The following MRPS15 variants were observed in gnomAD, a reference collection of about 807,000 sequenced individuals.
MRPS15 encodes the protein mitochondrial ribosomal protein S15, also known as small ribosomal subunit protein uS15m.
In MRPS15, 25 loss-of-function variants were observed where a neutral mutation model predicts 30.7. The observed-to-expected ratio is 0.81, with a 90% CI of 0.59 to 1.14. MRPS15 has a LOEUF of 1.14. MRPS15 is among the 50% of genes most tolerant of loss of function. The probability of loss-of-function intolerance (pLI) is 0.00; values close to 1 mark genes in which losing one functional copy is unlikely to be tolerated. For missense variants in MRPS15, 313 were observed against 321.7 expected (o/e 0.97, Z 0.21); for synonymous variants, 124 against 120.1 (o/e 1.03, Z -0.21).
Position 36,463,800 on chromosome 1 carries a change from T to G in MRPS15, c.175+6A>C. 3 of 1,611,586 alleles carry G rather than the reference T, an allele frequency of 1.9e-6. No individual in the cohort carries two copies. Among genetic ancestry groups the G allele is most frequent in the South Asian group, 1.1e-5 (1 of 90,914 alleles). On this transcript the variant is annotated splice_donor_region_variant and intron_variant, in intron 2 of 7. Transcript: ENST00000373116. ...CCGCCCCAAGTCCCACCTTAGGAAC[T>G]CCTACCTGGTTTCCGGACGACATAT...
In MRPS15 at chr1:36,464,184, G is replaced by A. The variant is rs757077697; in HGVS notation, c.92C>T (p.Ala31Val). 3 of 1,613,856 alleles carry A rather than the reference G, an allele frequency of 1.9e-6. No individual in the cohort carries two copies. The highest frequency in any genetic ancestry group is 2.2e-5 in the South Asian group (2 of 91,064). The change falls in exon 1 of 8, where the codon GCC becomes GTC. Residue 31 changes from alanine to valine, a missense_variant. By Grantham distance (64) the Ala-to-Val change is moderately conservative (BLOSUM62 0). Transcript: ENST00000373116. Reference sequence around the variant, plus strand: ...GCCCCACTGGTTGAAAGGAAACTTGGCGCTCCCACCGCCCGGCAGCCCGGG... The same window carrying A: ...GCCCCACTGGTTGAAAGGAAACTTGACGCTCCCACCGCCCGGCAGCCCGGG... ...LVPGLPGGGS[A>V]KFPFNQWGLQ...
chr1:36,459,946 G>C (rs1398788099), intron 5 of MRPS15, among the ~76,000 whole-genome samples: 2 of 152,216 alleles, frequency 1.3e-5, no homozygotes, highest in Non-Finnish European at 2.9e-5. Context: ...AACCAAAGTA[G>C]CAACATTATT....
At chr1:36,463,555 C>CAT (rs2124085429) in intron 2 of MRPS15, among the ~76,000 whole-genome samples, 1 of 152,318 alleles carries the variant, frequency 6.6e-6, no homozygotes, top group Admixed American at 6.5e-5. Context: ...TGGTGCCAGC[C>CAT]ATGCACTCCC....
In MRPS15 at chr1:36,464,289, C is replaced by A; in HGVS notation, c.-14G>T. ...GACCCTCAGCATGGTGACCTCTAAC[C>A]CCCGCGGGGCCCGCGCCGCGGCCGC... is the stretch of plus-strand genomic sequence containing the variant. On this transcript the variant is annotated 5_prime_UTR_variant, in exon 1 of 8. Coordinates refer to ENST00000373116, the MANE Select transcript of MRPS15 (RefSeq NM_031280.4). The A allele has an allele frequency of 1.9e-6, 3 of 1,598,380 alleles. No homozygotes were observed. Among genetic ancestry groups the A allele is most frequent in the Non-Finnish European group, 2.6e-6 (3 of 1,173,378 alleles).
intron 5 of MRPS15, 120 bp downstream of exon 5, chr1:36,460,572 G>C: frequency 1.3e-6 from 1 of 765,258 alleles, no homozygotes. Flanking sequence ...ATTGCCCTAG[G>C]TCCTTCATGT....
intron 2 of MRPS15, among the ~76,000 whole-genome samples, chr1:36,462,970 T>G (rs1410482867): frequency 6.6e-6 from 1 of 150,994 alleles, no homozygotes; most frequent in Non-Finnish European, 1.5e-5. Flanking sequence ...ATTTCTTTCT[T>G]TTTTGTTTTT....
At chr1:36,462,806 T>C (rs1490957861) in intron 2 of MRPS15, among the ~76,000 whole-genome samples, 3 of 152,204 alleles carry the variant, frequency 2.0e-5, no homozygotes, top group Admixed American at 2.0e-4. Context: ...AAAAGAATTA[T>C]ATTAAAAATA....
chr1:36,457,783 G>T (rs1174492151), intron 6 of MRPS15, 140 bp downstream of exon 6: 1 of 746,554 alleles, frequency 1.3e-6, no homozygotes, highest in South Asian at 1.6e-5. Context: ...GGCCTTGTAA[G>T]GCTCCAAGTC....
chr1:36,457,122 A>G (rs1650006605), intron 6 of MRPS15, among the ~76,000 whole-genome samples: 1 of 152,006 alleles, frequency 6.6e-6, no homozygotes, highest in Non-Finnish European at 1.5e-5. Flanking sequence ...TAAAAATACA[A>G]AAAATTAGCT....
intron 4 of MRPS15, 74 bp from the exon 5 acceptor site, chr1:36,460,850 G>T: frequency 1.6e-6 from 2 of 1,250,030 alleles, no homozygotes; most frequent in African/African-American, 1.5e-5. Context: ...CCCCCCAAGG[G>T]CCCTGGCTAC....
At position 36,460,735 on chromosome 1, in the gene MRPS15, C is replaced by T; in HGVS notation, c.342G>A (p.Lys114=). The change falls in exon 5 of 8, where the codon AAG becomes AAA. Residue 114 remains lysine (K), a synonymous_variant. Transcript: ENST00000373116. The part of the protein sequence containing the change: ...LKIKQEQFMK[K]IVANPEDTRS... ...TGGTGTCCTCTGGGTTTGCAACAAT[C>T]TTCTTCATAAACTGTTCTTGCTTGA... 1 of 1,614,166 alleles carries T rather than the reference C, an allele frequency of 6.2e-7. No individual in the cohort carries two copies. Among genetic ancestry groups the T allele is most frequent in the Non-Finnish European group, 8.5e-7 (1 of 1,180,010 alleles).
At chr1:36,457,275 C>CAA (rs60005613) in intron 6 of MRPS15, among the ~76,000 whole-genome samples, 5 of 142,780 alleles carry the variant, frequency 3.5e-5, no homozygotes, top group Admixed American at 6.9e-5. Context: ...GGCTCCATCT[C>CAA]AAAAAAAAAA....
intron 4 of MRPS15, 99 bp from the exon 5 acceptor site, chr1:36,460,875 G>T: frequency 1.0e-6 from 1 of 965,492 alleles, no homozygotes; most frequent in Non-Finnish European, 1.6e-6. Flanking sequence ...ATAGCAACTA[G>T]GGCCATAAGG....
In MRPS15 at chr1:36,464,298, G is replaced by A. The variant is rs755235174; in HGVS notation, c.-23C>T. On this transcript the variant is annotated 5_prime_UTR_variant, in exon 1 of 8. Transcript: ENST00000373116. ...CATGGTGACCTCTAACCCCCGCGGG[G>A]CCCGCGCCGCGGCCGCCGTTCGCTT... The A allele has an allele frequency of 3.8e-6, 6 of 1,594,026 alleles. No individual in the cohort carries two copies. In the East Asian group the frequency reaches 1.3e-4, roughly 36 times the overall value.
intron 6 of MRPS15, among the ~76,000 whole-genome samples, chr1:36,456,835 C>A (rs894861213): frequency 2.0e-5 from 3 of 152,226 alleles, no homozygotes; most frequent in Non-Finnish European, 4.4e-5. Context: ...AAACTGTGAT[C>A]TTTAAGAAGC....
At chr1:36,463,058 G>A (rs544657074) in intron 2 of MRPS15, among the ~76,000 whole-genome samples, 5 of 152,224 alleles carry the variant, frequency 3.3e-5, no homozygotes, top group South Asian at 2.1e-4. Context: ...CACCTCCCAG[G>A]TTCAAGCGAT....
intron 2 of MRPS15, among the ~76,000 whole-genome samples, chr1:36,463,560 A>G (rs1177771407): frequency 6.6e-6 from 1 of 151,994 alleles, no homozygotes; most frequent in Non-Finnish European, 1.5e-5. Context: ...CCAGCCATGC[A>G]CTCCCTCTGG....
At chr1:36,456,437 C>G in intron 6 of MRPS15, 59 bp from the exon 7 acceptor site, 5 of 1,389,482 alleles carry the variant, frequency 3.6e-6, no homozygotes, top group Non-Finnish European at 4.8e-6. Context: ...TTCACAGTAA[C>G]AAACAATGGT....
intron 1 of MRPS15, 75 bp from the exon 2 acceptor site, chr1:36,463,925 A>G: frequency 6.4e-7 from 1 of 1,551,440 alleles, no homozygotes; most frequent in South Asian, 1.2e-5. Flanking sequence ...TGCCCCTCGC[A>G]TTGCCCGTCC....
Sources: allele counts gnomAD v4.1 joint callset (sites outside exome capture counted in the v4.1 genomes callset), GRCh38; gene constraint gnomAD v4.1.1; transcripts MANE v1.5; gene names NCBI Gene and HGNC (gene_info 2026-07-23, HGNC 2026-07-21).